Variants in MCEE observed in about 807,000 individuals in gnomAD.
MCEE encodes methylmalonyl-CoA epimerase, mitochondrial.
A neutral mutation model predicts 12.9 loss-of-function variants in MCEE; 6 were observed. The observed-to-expected ratio is 0.47, with a 90% CI of 0.26 to 0.92. MCEE has a LOEUF of 0.92. MCEE is among the 40% of genes least tolerant of loss of function. The pLI, the probability that MCEE is intolerant of heterozygous loss-of-function variation, is 0.16. For synonymous variants in MCEE, 78 were observed against 77.9 expected (o/e 1.00, Z -0.01); for missense variants, 214 against 212.1 (o/e 1.01, Z -0.05).
chr2:71,124,435 T>C lies in MCEE; in HGVS notation c.149A>G (p.His50Arg), dbSNP rs1558747760. Reference protein sequence around the residue: ...GSVWNLGRLNHVAIAVPDLEK... With the variant: ...GSVWNLGRLNRVAIAVPDLEK... ...CAAATCTGGCACTGCTATGGCTACA[T>C]GGTTGAGTCGACCCAGGTTCCACAC... The change falls in exon 2 of 3, where the codon CAT (histidine) becomes CGT (arginine). Residue 50 changes from histidine to arginine, a missense_variant. Physicochemically the swap from His to Arg is conservative, Grantham distance 29. Coordinates refer to ENST00000244217, the MANE Select transcript of MCEE (RefSeq NM_032601.4). 1 of 1,614,158 alleles carries C rather than the reference T, an allele frequency of 6.2e-7. No individual in the cohort carries two copies. Among genetic ancestry groups the C allele is most frequent in the Non-Finnish European group, 8.5e-7 (1 of 1,180,014 alleles).
At position 71,111,898 on chromosome 2, in the gene MCEE, A is replaced by C. The variant is rs541551546; in HGVS notation, c.379-1776T>G. On this transcript the variant is annotated intron_variant, in intron 2 of 2. Coordinates refer to ENST00000244217, the MANE Select transcript of MCEE (RefSeq NM_032601.4). Reference sequence around the variant, plus strand: ...CAATTCCTGTGCTGCCTGATGTCCAATGCCAGAAATCCATTATGTCATGTA... The same window carrying C: ...CAATTCCTGTGCTGCCTGATGTCCACTGCCAGAAATCCATTATGTCATGTA... Among the ~76,000 whole-genome samples the C allele has an allele frequency of 1.4e-3, 211 of 152,270 alleles. 2 individuals are homozygous for C. The highest frequency in any genetic ancestry group is 4.0e-3 in the Admixed American group (61 of 15,298).
At chr2:71,117,450 T>A (rs2103624886) in intron 2 of MCEE, 1 of 150,612 alleles carries the variant, frequency 6.6e-6, no homozygotes, top group African/African-American at 2.5e-5. Flanking sequence ...TAAAATTTTT[T>A]AAAAAGGAGA....
rs1173413666 is a variant in MCEE, at chr2:71,109,844, T to C, written c.*126A>G. ...ATATGTATATATTTTAATCTTTCTG[T>C]AATTCAGTCTTTAACTGTGAACTTT... On this transcript the variant is annotated 3_prime_UTR_variant, in exon 3 of 3. Transcript: ENST00000244217. The C allele has an allele frequency of 5.4e-6, 4 of 745,346 alleles. No homozygotes were observed. Among genetic ancestry groups the C allele is most frequent in the Non-Finnish European group, 9.0e-6 (4 of 446,636 alleles). 46.2% of individuals were successfully genotyped at this position (745,346 alleles called of 1,614,324 possible).
intron 1 of MCEE, among the ~76,000 whole-genome samples, chr2:71,127,422 T>C (rs1673258865): frequency 6.6e-6 from 1 of 152,238 alleles, no homozygotes; most frequent in Non-Finnish European, 1.5e-5. Context: ...TTTAAAGACA[T>C]TAGATGTTAA....
At position 71,130,087 on chromosome 2, in the gene MCEE, G is replaced by C; in HGVS notation, c.40+93C>G. 3 of 1,292,262 alleles carry C rather than the reference G, an allele frequency of 2.3e-6. No homozygotes were observed. The South Asian group carries it at 3.8e-5, about 16-fold the overall frequency. 80.0% of individuals were successfully genotyped at this position (1,292,262 alleles called of 1,614,324 possible). ...CCCCCGGGGGAGGACATTAGATCAAGGTGCTTTGGCCACGCCGAGGCCTCC... is the reference window on the plus strand; with the variant it reads ...CCCCCGGGGGAGGACATTAGATCAACGTGCTTTGGCCACGCCGAGGCCTCC... On this transcript the variant is annotated intron_variant, in intron 1 of 2. Transcript: ENST00000244217.
intron 1 of MCEE, among the ~76,000 whole-genome samples, chr2:71,125,285 T>C (rs180843974): frequency 1.4e-5 from 2 of 146,572 alleles, no homozygotes; most frequent in Non-Finnish European, 1.5e-5. Flanking sequence ...CTGGGCTCAC[T>C]GCAACCTCCG....
rs774439159 is a variant in MCEE, at chr2:71,109,979, C to A, written c.522G>T (p.Glu174Asp). The change falls in exon 3 of 3, where the codon GAG (glutamate) becomes GAT (aspartate). Residue 174 changes from glutamate to aspartate, a missense_variant. By Grantham distance (45) the Glu-to-Asp change is conservative. Transcript: ENST00000244217. ...TGCTTGCAAATATAAATCAAGCTTG[C>A]TCCAGTTCCACAAGGACTCCACCAC... is the stretch of plus-strand genomic sequence containing the variant. The part of the protein sequence containing the change: ...KDCGGVLVEL[E>D]QA The A allele has an allele frequency of 6.2e-7, 1 of 1,613,628 alleles. No homozygotes were observed. The highest frequency in any genetic ancestry group is 8.5e-7 in the Non-Finnish European group (1 of 1,179,856).
rs1263664060 is a variant in MCEE, at chr2:71,125,249, C to T, written c.41-706G>A. On this transcript the variant is annotated intron_variant, in intron 1 of 2. Transcript: ENST00000244217. ...TTTGAGACGGAGTCTCACTATTTCG[C>T]CCAGAATGGAGTGAAGTGGCGCGAT... Among the ~76,000 whole-genome samples the T allele has an allele frequency of 2.7e-5, 3 of 110,474 alleles. No homozygotes were observed. The Admixed American group carries it at 3.1e-4, about 11-fold the overall frequency. The allele number at this position is 110,474 out of a possible 152,430, so 72.5% of individuals were successfully genotyped here. A position where few individuals can be genotyped will look rare whatever the true frequency, so the allele number is the denominator to read the frequency against.
intron 2 of MCEE, among the ~76,000 whole-genome samples, chr2:71,112,909 T>C (rs968850712): frequency 1.1e-4 from 17 of 152,270 alleles, no homozygotes; most frequent in African/African-American, 3.6e-4. Flanking sequence ...GCTAGAACTT[T>C]TGACCATGTC....
At chr2:71,128,927 T>C (rs1420461968) in intron 1 of MCEE, among the ~76,000 whole-genome samples, 2 of 150,258 alleles carry the variant, frequency 1.3e-5, no homozygotes, top group African/African-American at 2.5e-5. Flanking sequence ...GAGGCAGAGG[T>C]TGCAGTGAGC....
intron 1 of MCEE, among the ~76,000 whole-genome samples, chr2:71,125,880 G>A (rs1673221103): frequency 6.6e-6 from 1 of 152,134 alleles, no homozygotes; most frequent in African/African-American, 2.4e-5. Context: ...TTGTTATCAT[G>A]AAATCCAAGT....
intron 2 of MCEE, among the ~76,000 whole-genome samples, chr2:71,123,447 C>T (rs922080444): frequency 2.0e-5 from 3 of 148,810 alleles, no homozygotes; most frequent in East Asian, 2.0e-4. Context: ...GCCGAGATCA[C>T]GCCACACTGC....
At chr2:71,127,024 G>A (rs767051302) in intron 1 of MCEE, among the ~76,000 whole-genome samples, 15 of 152,160 alleles carry the variant, frequency 9.9e-5, no homozygotes, top group Non-Finnish European at 1.8e-4. Flanking sequence ...TTTAATTTGT[G>A]ATTATTCCAA....
chr2:71,125,893 A>C (rs1300641620), intron 1 of MCEE, among the ~76,000 whole-genome samples: 1 of 152,226 alleles, frequency 6.6e-6, no homozygotes, highest in African/African-American at 2.4e-5. Context: ...ATCCAAGTGG[A>C]TTACAACCGA....
chr2:71,121,529 C>T (rs1673100820), intron 2 of MCEE, among the ~76,000 whole-genome samples: 1 of 152,216 alleles, frequency 6.6e-6, no homozygotes, highest in Non-Finnish European at 1.5e-5. Flanking sequence ...TACCTACCTT[C>T]ATTTTATATC....
Position 71,124,349 on chromosome 2 carries a change from G to C in MCEE, c.235C>G (p.Leu79Val), listed in dbSNP as rs369078225. The C allele has an allele frequency of 2.8e-4, 448 of 1,614,060 alleles. No homozygotes were observed. The highest frequency in any genetic ancestry group is 3.7e-4 in the Non-Finnish European group (433 of 1,180,034). Residue 79 changes from leucine to valine, a missense_variant, in exon 2 of 3, where the codon CTT (leucine) becomes GTT (valine). Coordinates refer to ENST00000244217, the MANE Select transcript of MCEE (RefSeq NM_032601.4). ...LGAQVSEAVP[L>V]PEHGVSVVFV... is the part of the protein sequence containing the mutation. ...ACAACAGATACTCCATGTTCAGGAA[G>C]AGGGACCGCTTCACTTACCTGGGCC...
chr2:71,115,537 C>T (rs992777244), intron 2 of MCEE, among the ~76,000 whole-genome samples: 2 of 150,130 alleles, frequency 1.3e-5, no homozygotes, highest in South Asian at 2.1e-4. Context: ...AAGAGTACTC[C>T]TAATGCTTTG....
intron 2 of MCEE, among the ~76,000 whole-genome samples, chr2:71,118,571 A>G (rs1471388877): frequency 6.7e-6 from 1 of 149,828 alleles, no homozygotes; most frequent in African/African-American, 2.5e-5. Flanking sequence ...CTGGTGGGGG[A>G]TTGGTGGTTC....
At chr2:71,123,701 T>C (rs1483655184) in intron 2 of MCEE, among the ~76,000 whole-genome samples, 2 of 152,158 alleles carry the variant, frequency 1.3e-5, no homozygotes, top group Non-Finnish European at 2.9e-5. Context: ...CTTTAAAAAT[T>C]GTTGGCAGGT....
Sources: allele counts gnomAD v4.1 joint callset (sites outside exome capture counted in the v4.1 genomes callset), GRCh38; gene constraint gnomAD v4.1.1; transcripts MANE v1.5; gene names NCBI Gene and HGNC (gene_info 2026-07-23, HGNC 2026-07-21).